Variants in PIGX observed in about 807,000 individuals in gnomAD.
PIGX encodes the protein phosphatidylinositol glycan anchor biosynthesis class X.
Under a neutral mutation model 28.7 loss-of-function variants are expected in PIGX, and 24 were observed. The observed-to-expected ratio is 0.84, with a 90% CI of 0.60 to 1.17. PIGX has a LOEUF of 1.17. Ranked by LOEUF, PIGX falls within the 50% of genes most tolerant of loss-of-function variation. The probability of loss-of-function intolerance (pLI) is 0.00; values close to 1 mark genes in which losing one functional copy is unlikely to be tolerated. For synonymous variants in PIGX, 127 were observed against 121.0 expected, an observed-to-expected ratio of 1.05 and a Z score of -0.33; for missense variants, 305 against 317.8, an observed-to-expected ratio of 0.96 and a Z score of 0.31.
intron 3 of PIGX, among the ~76,000 whole-genome samples, chr3:196,724,305 G>A (rs1254934511): frequency 3.9e-5 from 6 of 152,120 alleles, no homozygotes; most frequent in South Asian, 2.1e-4. Flanking sequence ...ATGAGCCACC[G>A]GCCAGAAGGA....
chr3:196,727,415 C>T (rs918255196), intron 3 of PIGX, among the ~76,000 whole-genome samples: 4 of 151,880 alleles, frequency 2.6e-5, no homozygotes, highest in African/African-American at 7.3e-5. Context: ...CTGTTTATAC[C>T]GTCTCTAGAA....
At chr3:196,731,468 G>A (rs13322506) in intron 5 of PIGX, among the ~76,000 whole-genome samples, 246 of 152,084 alleles carry the variant, frequency 1.6e-3, no homozygotes, top group African/African-American at 5.7e-3. Context: ...ATGAGCCACC[G>A]TGCCCAGCTG....
chr3:196,726,017 T>G (rs1256895805), intron 3 of PIGX, among the ~76,000 whole-genome samples: 3 of 152,142 alleles, frequency 2.0e-5, no homozygotes, highest in African/African-American at 7.2e-5. Context: ...AATAATAAAT[T>G]AGCAGCTAGG....
At position 196,712,856 on chromosome 3, in the gene PIGX, G is replaced by A. The variant is rs1404181495; in HGVS notation, c.112+212G>A. ...GGGTCTCCGGGAGAGTCGGGCTCGGGCCCTGCGGTTCCCAGGCTGGACTGG... is the reference window on the plus strand; with the variant it reads ...GGGTCTCCGGGAGAGTCGGGCTCGGACCCTGCGGTTCCCAGGCTGGACTGG... On this transcript the variant is annotated intron_variant, in intron 1 of 5. Transcript: ENST00000392391. The A allele has an allele frequency of 2.8e-5, 30 of 1,090,678 alleles. No homozygotes were observed. The East Asian group carries it at 1.7e-3, about 61-fold the overall frequency. 67.6% of individuals were successfully genotyped at this position (1,090,678 alleles called of 1,614,324 possible). A position where few individuals can be genotyped will look rare whatever the true frequency, so the allele number is the denominator to read the frequency against.
rs925434901 is a variant in PIGX at position 196,734,744 on chromosome 3, T to G, written c.*842T>G. On this transcript the variant is annotated 3_prime_UTR_variant, in exon 6 of 6. Coordinates refer to ENST00000392391, the MANE Select transcript of PIGX (RefSeq NM_017861.4). ...ATAATCTTAAATTATTGATTATTCCTTAACGCACTCCATTCTCCTTTTACA... is the reference window on the plus strand; with the variant it reads ...ATAATCTTAAATTATTGATTATTCCGTAACGCACTCCATTCTCCTTTTACA... The G allele has an allele frequency of 5.9e-5, 9 of 152,202 alleles. No homozygotes were observed. Among genetic ancestry groups the G allele is most frequent in the Non-Finnish European group, 1.2e-4 (8 of 68,042 alleles). The allele number at this position is 152,202 out of a possible 1,614,324, so 9.4% of individuals were successfully genotyped here.
chr3:196,722,324 TAC>T (rs1712356304), intron 2 of PIGX, 89 bp from the exon 3 acceptor site: 5 of 895,186 alleles, frequency 5.6e-6, no homozygotes, highest in Admixed American at 5.0e-5. Flanking sequence ...AATTTTGAAA[TAC>T]AGTGTTTTCA....
chr3:196,716,783 ACT>A (rs1316843505), intron 1 of PIGX, 73 bp from the exon 2 acceptor site: 28 of 687,584 alleles, frequency 4.1e-5, no homozygotes, highest in Non-Finnish European at 5.3e-5. Flanking sequence ...TACTAAAATA[ACT>A]CTTTTATAAT....
intron 3 of PIGX, among the ~76,000 whole-genome samples, chr3:196,725,813 T>C (rs755554448): frequency 6.6e-6 from 1 of 152,118 alleles, no homozygotes; most frequent in Non-Finnish European, 1.5e-5. Flanking sequence ...CAGAGAACTT[T>C]TACTCAGTAG....
chr3:196,729,083 C>T (rs905383401), intron 4 of PIGX, among the ~76,000 whole-genome samples: 1 of 152,118 alleles, frequency 6.6e-6, no homozygotes, highest in Non-Finnish European at 1.5e-5. Flanking sequence ...CCTGTAACCC[C>T]AGCACTTTGG....
chr3:196,714,850 G>A, intron 1 of PIGX, among the ~76,000 whole-genome samples: 1 of 152,148 alleles, frequency 6.6e-6, no homozygotes, highest in South Asian at 2.1e-4. Flanking sequence ...GGCCAGGGTG[G>A]GCAGATCACC....
intron 5 of PIGX, among the ~76,000 whole-genome samples, chr3:196,732,521 C>T (rs1467424697): frequency 6.6e-6 from 1 of 151,240 alleles, no homozygotes; most frequent in Non-Finnish European, 1.5e-5. Context: ...ACCTCATGAT[C>T]CGCCTGCCTC....
chr3:196,722,569 G>T lies in PIGX; in HGVS notation c.318+13G>T, dbSNP rs758787442. ...AAACATAACAGAGGTACAGTTATTA[G>T]GGGATTTTTTGGGAGAGAAATTAAT... On this transcript the variant is annotated intron_variant, in intron 3 of 5. Transcript: ENST00000392391. 1 of 1,606,714 alleles carries T rather than the reference G, an allele frequency of 6.2e-7. No individual in the cohort carries two copies. Among genetic ancestry groups the T allele is most frequent in the Non-Finnish European group, 8.5e-7 (1 of 1,176,484 alleles).
intron 3 of PIGX, among the ~76,000 whole-genome samples, chr3:196,724,343 GA>G (rs1245546298): frequency 6.6e-6 from 1 of 152,072 alleles, no homozygotes; most frequent in Non-Finnish European, 1.5e-5. Context: ...AATGAATTAT[GA>G]ATTCTAAATG....
intron 2 of PIGX, among the ~76,000 whole-genome samples, chr3:196,717,555 C>G (rs2108677229): frequency 6.6e-6 from 1 of 152,268 alleles, no homozygotes; most frequent in Admixed American, 6.5e-5. Flanking sequence ...CCTACACACA[C>G]CCTCTCATAT....
intron 2 of PIGX, among the ~76,000 whole-genome samples, chr3:196,720,703 T>C (rs1220533232): frequency 6.6e-6 from 1 of 152,070 alleles, no homozygotes; most frequent in Non-Finnish European, 1.5e-5. Flanking sequence ...AATTAAAACA[T>C]GAGAAAGAAG....
rs534135752 is a variant in PIGX, at chr3:196,730,970, C to A, written c.533-22C>A. On this transcript the variant is annotated intron_variant, in intron 4 of 5. Transcript: ENST00000392391. ...AGTCCAAATACAGGTTTTCTGACAT[C>A]ATTTTCTACCACTTTTCTCAGAGTT... 1.7e-5 allele frequency: 25 copies of A among 1,457,968 alleles called. No individual in the cohort carries two copies. The South Asian group carries it at 2.6e-4, about 15-fold the overall frequency. 90.3% of individuals were successfully genotyped at this position (1,457,968 alleles called of 1,614,324 possible).
At chr3:196,728,720 T>A (rs1483652467) in intron 4 of PIGX, 3 of 766,290 alleles carry the variant, frequency 3.9e-6, no homozygotes, top group Non-Finnish European at 7.2e-6. Context: ...AGAAGAATGA[T>A]CAGATTCCGG....
intron 2 of PIGX, chr3:196,721,383 T>C (rs1369707891): frequency 3.6e-5 from 6 of 164,738 alleles, no homozygotes; most frequent in Non-Finnish European, 8.0e-5. Flanking sequence ...GAAATTATAT[T>C]CTTCATCTCT....
chr3:196,731,633 A>AGGTTGCCATTGCCATATGGTAC (rs1712759361), intron 5 of PIGX, among the ~76,000 whole-genome samples: 1 of 152,178 alleles, frequency 6.6e-6, no homozygotes. Context: ...GTTTTTGAGT[A>AGGTTGCCATTGCCATATGGTAC]GGTTGCCATT....
Sources: gnomAD v4.1 joint callset for allele counts (sites outside exome capture counted in the v4.1 genomes callset) on GRCh38, gnomAD v4.1.1 for gene constraint, MANE v1.5 for transcripts, NCBI Gene and HGNC (gene_info 2026-07-23, HGNC 2026-07-21) for gene names.